The following THSD4 variants were observed in gnomAD, a reference collection of about 807,000 sequenced individuals.
The protein encoded by THSD4 is thrombospondin type 1 domain containing 4, also known as thrombospondin type-1 domain-containing protein 4.
THSD4 carries 69 observed loss-of-function variants against 119.0 expected under a neutral mutation model. The ratio of observed to expected loss-of-function variants is 0.58; its 90% CI spans 0.48 to 0.71. THSD4 has a LOEUF of 0.71. Among genes scored for constraint, THSD4 ranks in the 30% least tolerant of loss-of-function variants. The probability of loss-of-function intolerance (pLI) is 0.00; values close to 1 mark genes in which losing one functional copy is unlikely to be tolerated. For synonymous variants in THSD4, 524 were observed against 540.4 expected, an observed-to-expected ratio of 0.97 and a Z score of 0.42; for missense variants, 1,393 against 1,391.1, an observed-to-expected ratio of 1.00 and a Z score of -0.02.
At chr15:71,431,794 C>T (rs2046946071) in intron 7 of THSD4, among the ~76,000 whole-genome samples, 1 of 152,092 alleles carries the variant, frequency 6.6e-6, no homozygotes, top group African/African-American at 2.4e-5. Context: ...CAAGGCAACC[C>T]TCCAGAACAC....
At chr15:71,584,260 T>G (rs2049617412) in intron 7 of THSD4, among the ~76,000 whole-genome samples, 1 of 119,826 alleles carries the variant, frequency 8.3e-6, no homozygotes, top group African/African-American at 2.8e-5. Context: ...TTTTTTCACT[T>G]TCTTTTTTTT....
At chr15:71,617,097 G>C (rs1595791751) in intron 7 of THSD4, among the ~76,000 whole-genome samples, 1 of 152,140 alleles carries the variant, frequency 6.6e-6, no homozygotes, top group Admixed American at 6.5e-5. Flanking sequence ...TGCATCATGT[G>C]ATATCATGGC....
chr15:71,508,535 C>T (rs2048228306), intron 7 of THSD4, among the ~76,000 whole-genome samples: 1 of 152,098 alleles, frequency 6.6e-6, no homozygotes, highest in East Asian at 1.9e-4. Flanking sequence ...CTTTCATTAC[C>T]AGCTCTGCAA....
At chr15:71,288,105 C>CA (rs978534137) in intron 6 of THSD4, among the ~76,000 whole-genome samples, 14 of 151,810 alleles carry the variant, frequency 9.2e-5, no homozygotes, top group Non-Finnish European at 1.5e-4. Context: ...AAATGCTTAT[C>CA]AAAAAAAATG....
intron 7 of THSD4, among the ~76,000 whole-genome samples, chr15:71,511,085 C>G (rs1186557925): frequency 6.6e-6 from 1 of 151,900 alleles, no homozygotes; most frequent in African/African-American, 2.4e-5. Context: ...GAGTACAGAG[C>G]AAGATAAAGA....
At chr15:71,621,219 C>G (rs2050413286) in intron 7 of THSD4, among the ~76,000 whole-genome samples, 1 of 152,068 alleles carries the variant, frequency 6.6e-6, no homozygotes, top group Non-Finnish European at 1.5e-5. Flanking sequence ...GTGAGAGGTA[C>G]TAATAAAAAT....
chr15:71,447,109 A>ATTTTTTTTTTTTT (rs1491223591), intron 7 of THSD4, among the ~76,000 whole-genome samples: 7 of 69,448 alleles, frequency 1.0e-4, no homozygotes, highest in African/African-American at 3.3e-4. Flanking sequence ...TCTTCCCTCC[A>ATTTTTTTTTTTTT]TTTTTTTTGT....
At chr15:71,362,763 C>T (rs1463781574) in intron 6 of THSD4, among the ~76,000 whole-genome samples, 2 of 151,868 alleles carry the variant, frequency 1.3e-5, no homozygotes, top group African/African-American at 4.8e-5. Context: ...CACTCCCACC[C>T]TAATTTCATC....
At chr15:71,562,255 C>G (rs1234935701) in intron 7 of THSD4, among the ~76,000 whole-genome samples, 1 of 152,080 alleles carries the variant, frequency 6.6e-6, no homozygotes, top group Non-Finnish European at 1.5e-5. Flanking sequence ...AAACCAGGTA[C>G]ATTAAATGTG....
chr15:71,599,658 C>G (rs576545491), intron 7 of THSD4, among the ~76,000 whole-genome samples: 19 of 152,310 alleles, frequency 1.2e-4, no homozygotes, highest in African/African-American at 4.6e-4. Context: ...AGGCCCTGCT[C>G]CATTTTCTTC....
chr15:71,662,647 C>A (rs1449959572), intron 8 of THSD4, among the ~76,000 whole-genome samples: 1 of 151,852 alleles, frequency 6.6e-6, no homozygotes, highest in Non-Finnish European at 1.5e-5. Flanking sequence ...CAAGCTGTGC[C>A]CCCTGAATAA....
At chr15:71,361,330 G>C (rs2045889605) in intron 6 of THSD4, among the ~76,000 whole-genome samples, 1 of 152,122 alleles carries the variant, frequency 6.6e-6, no homozygotes, top group Non-Finnish European at 1.5e-5. Context: ...TCCCAAAAAA[G>C]GACAGTCACC....
chr15:71,493,003 A>C (rs2047946136), intron 7 of THSD4, among the ~76,000 whole-genome samples: 1 of 152,208 alleles, frequency 6.6e-6, no homozygotes, highest in Non-Finnish European at 1.5e-5. Flanking sequence ...TTTCCAAATA[A>C]AATTTGTGAA....
At chr15:71,750,122 G>A (rs1261006163) in intron 14 of THSD4, among the ~76,000 whole-genome samples, 1 of 152,160 alleles carries the variant, frequency 6.6e-6, no homozygotes, top group South Asian at 2.1e-4. Flanking sequence ...AGACAGAGGA[G>A]CCCAGCCATG....
chr15:71,329,276 T>G (rs1037589323), intron 6 of THSD4, among the ~76,000 whole-genome samples: 1 of 152,164 alleles, frequency 6.6e-6, no homozygotes, highest in Non-Finnish European at 1.5e-5. Context: ...CGGGCCAGGC[T>G]GAGTGTGAGG....
chr15:71,209,161 A>G (rs1293889837), intron 3 of THSD4, among the ~76,000 whole-genome samples: 3 of 152,178 alleles, frequency 2.0e-5, no homozygotes, highest in Non-Finnish European at 4.4e-5. Context: ...CACATTATAA[A>G]GCTTCTGAAT....
intron 6 of THSD4, among the ~76,000 whole-genome samples, chr15:71,390,925 T>A: frequency 7.6e-6 from 1 of 132,248 alleles, no homozygotes; most frequent in African/African-American, 2.9e-5. Flanking sequence ...AGTGACACGA[T>A]CATAGCTCAC....
At chr15:71,473,411 T>C (rs1177785488) in intron 7 of THSD4, among the ~76,000 whole-genome samples, 2 of 152,186 alleles carry the variant, frequency 1.3e-5, no homozygotes, top group Non-Finnish European at 2.9e-5. Flanking sequence ...TTTTAAAAGC[T>C]ATAGCCTTTT....
intron 6 of THSD4, among the ~76,000 whole-genome samples, chr15:71,387,577 A>G (rs1020239129): frequency 6.6e-6 from 1 of 152,198 alleles, no homozygotes; most frequent in Non-Finnish European, 1.5e-5. Flanking sequence ...TGAATGGGTC[A>G]GTGGGTATGA....
Sources: allele counts gnomAD v4.1 joint callset (sites outside exome capture counted in the v4.1 genomes callset), GRCh38; gene constraint gnomAD v4.1.1; transcripts MANE v1.5; gene names NCBI Gene and HGNC (gene_info 2026-07-23, HGNC 2026-07-21).